RUNDC3B: variants seen among roughly 807,000 people sequenced by gnomAD.
The protein encoded by RUNDC3B is RUN domain containing 3B.
Under a neutral mutation model 58.4 loss-of-function variants are expected in RUNDC3B, and 33 were observed. The ratio of observed to expected loss-of-function variants is 0.56; its 90% confidence interval spans 0.43 to 0.75. The LOEUF (loss-of-function observed/expected upper bound fraction) is 0.75. Ranked by LOEUF, RUNDC3B falls within the 30% of genes least tolerant of loss-of-function variation. The pLI is 0.00. For synonymous variants in RUNDC3B, 193 were observed against 195.2 expected, an observed-to-expected ratio of 0.99 and a Z score of 0.10; for missense variants, 501 against 535.7, an observed-to-expected ratio of 0.94 and a Z score of 0.64.
At chr7:87,760,245 A>G (rs963961004) in intron 6 of RUNDC3B, among the ~76,000 whole-genome samples, 8 of 152,070 alleles carry the variant, frequency 5.3e-5, no homozygotes, top group Admixed American at 1.3e-4. Flanking sequence ...AACTAGTGTG[A>G]CTGAGGAACT....
intron 2 of RUNDC3B, among the ~76,000 whole-genome samples, chr7:87,668,974 A>G (rs951123307): frequency 2.0e-5 from 3 of 152,018 alleles, no homozygotes; most frequent in Non-Finnish European, 4.4e-5. Flanking sequence ...GGAGAGTTCT[A>G]TAGAGGTGTA....
chr7:87,629,016 C>T, intron 1 of RUNDC3B, 71 bp downstream of exon 1: 1 of 1,262,308 alleles, frequency 7.9e-7, no homozygotes. Flanking sequence ...CGCGCGGGTC[C>T]TTGGGGGTCC....
At chr7:87,680,811 A>G (rs1235409057) in intron 2 of RUNDC3B, among the ~76,000 whole-genome samples, 1 of 150,454 alleles carries the variant, frequency 6.6e-6, no homozygotes, top group Non-Finnish European at 1.5e-5. Flanking sequence ...AGAAAAGAAA[A>G]GAAAAAAGAA....
intron 8 of RUNDC3B, among the ~76,000 whole-genome samples, chr7:87,791,612 T>G (rs1347689200): frequency 6.6e-6 from 1 of 151,862 alleles, no homozygotes; most frequent in East Asian, 1.9e-4. Context: ...TTTTTGCTTG[T>G]GTGTGTGTGT....
At chr7:87,729,574 T>G (rs1482586193) in intron 4 of RUNDC3B, among the ~76,000 whole-genome samples, 1 of 152,116 alleles carries the variant, frequency 6.6e-6, no homozygotes, top group Non-Finnish European at 1.5e-5. Flanking sequence ...GGTAGGAGCC[T>G]GAGTTCAGGC....
intron 4 of RUNDC3B, among the ~76,000 whole-genome samples, chr7:87,720,889 CG>C (rs1830843191): frequency 3.3e-4 from 1 of 3,072 alleles, no homozygotes; most frequent in East Asian, 0.01. Context: ...CGTGAGCCCT[CG>C]TGTTTGGACA....
intron 2 of RUNDC3B, among the ~76,000 whole-genome samples, chr7:87,678,354 A>G (rs888449971): frequency 6.6e-6 from 1 of 152,222 alleles, no homozygotes; most frequent in South Asian, 2.1e-4. Flanking sequence ...GCTACAGAGT[A>G]AAGGGAACTA....
At chr7:87,780,721 C>G (rs2130887608) in intron 8 of RUNDC3B, among the ~76,000 whole-genome samples, 1 of 152,214 alleles carries the variant, frequency 6.6e-6, no homozygotes, top group East Asian at 1.9e-4. Context: ...ATCACAGCAC[C>G]ACTTATTGAA....
rs1491302371 is a variant in RUNDC3B at position 87,831,075 on chromosome 7, AGT to A, written c.*1046_*1047del. ...CCCACACTTATACACAGGTAAAATT[AGT>A]TTTTTTTTTTTTAAAGTTGTAATCT... On this transcript the variant is annotated 3_prime_UTR_variant, in exon 11 of 11. Transcript: ENST00000394654. 2 of 139,926 alleles carry A rather than the reference AGT, an allele frequency of 1.4e-5. No homozygotes were observed. The highest frequency in any genetic ancestry group is 3.1e-5 in the Non-Finnish European group (2 of 64,118). The allele number at this position is 139,926 out of a possible 1,614,324, so 8.7% of individuals were successfully genotyped here. A position where few individuals can be genotyped will look rare whatever the true frequency, so the allele number is the denominator to read the frequency against.
rs1834552558 is a variant in RUNDC3B at position 87,775,172 on chromosome 7, G to A, written c.799-2626G>A. Among the ~76,000 whole-genome samples, 3 of 152,304 alleles carry A rather than the reference G, an allele frequency of 2.0e-5. No homozygotes were observed. In the South Asian group the frequency reaches 6.2e-4, roughly 32 times the overall value. On this transcript the variant is annotated intron_variant, in intron 7 of 10. Transcript: ENST00000394654. The stretch of plus-strand genomic sequence containing the variant: ...GGAGATGACAGCTCCATGTGTTAAT[G>A]CTCCTGAAGTCCTTGCAGTCAGACA...
At chr7:87,706,885 G>T (rs1829643944) in intron 3 of RUNDC3B, among the ~76,000 whole-genome samples, 1 of 152,158 alleles carries the variant, frequency 6.6e-6, no homozygotes, top group Non-Finnish European at 1.5e-5. Context: ...GCAGGGAAGA[G>T]GTAAAACTGC....
At chr7:87,828,170 TTC>T (rs72366013) in intron 10 of RUNDC3B, among the ~76,000 whole-genome samples, 7,249 of 152,260 alleles carry the variant, frequency 0.048, 252 homozygotes, top group East Asian at 0.091. Flanking sequence ...AAATTAAATT[TTC>T]TTTTTTAAAA....
intron 4 of RUNDC3B, among the ~76,000 whole-genome samples, chr7:87,726,604 A>G (rs1378270709): frequency 6.6e-6 from 1 of 152,148 alleles, no homozygotes; most frequent in Non-Finnish European, 1.5e-5. Context: ...TGAACTTTAA[A>G]GTAGTTTTTT....
chr7:87,659,191 A>G (rs1824442319), intron 2 of RUNDC3B: 1 of 426,200 alleles, frequency 2.3e-6, no homozygotes, highest in East Asian at 8.0e-5. Flanking sequence ...AAACTTTGGA[A>G]TAACAGGAAG....
At chr7:87,748,366 A>C (rs1215056729) in intron 6 of RUNDC3B, among the ~76,000 whole-genome samples, 3 of 151,096 alleles carry the variant, frequency 2.0e-5, no homozygotes, top group African/African-American at 7.3e-5. Context: ...GGAGCAGTCC[A>C]CTCCTTCAGA....
At chr7:87,662,214 T>C (rs1824781010) in intron 2 of RUNDC3B, among the ~76,000 whole-genome samples, 1 of 152,190 alleles carries the variant, frequency 6.6e-6, no homozygotes, top group Non-Finnish European at 1.5e-5. Flanking sequence ...CTCTTCACTT[T>C]GTTGATTGTT....
At chr7:87,715,772 A>C (rs1294204664) in intron 4 of RUNDC3B, among the ~76,000 whole-genome samples, 1 of 151,912 alleles carries the variant, frequency 6.6e-6, no homozygotes, top group Non-Finnish European at 1.5e-5. Flanking sequence ...GACTATTGCA[A>C]CAATTCCAGT....
intron 2 of RUNDC3B, among the ~76,000 whole-genome samples, chr7:87,673,877 G>GT (rs989224439): frequency 7.2e-5 from 11 of 152,050 alleles, no homozygotes; most frequent in Admixed American, 3.3e-4. Flanking sequence ...CCTTGGATGG[G>GT]TTTTTTTGCT....
intron 2 of RUNDC3B, among the ~76,000 whole-genome samples, chr7:87,695,437 A>C (rs1178263557): frequency 6.6e-6 from 1 of 152,122 alleles, no homozygotes; most frequent in Non-Finnish European, 1.5e-5. Flanking sequence ...GAACTCCACA[A>C]GTTTTTTAAA....
Sources: allele counts gnomAD v4.1 joint callset (sites outside exome capture counted in the v4.1 genomes callset), GRCh38; gene constraint gnomAD v4.1.1; transcripts MANE v1.5; gene names NCBI Gene and HGNC (gene_info 2026-07-23, HGNC 2026-07-21).